TLN2: variants seen among roughly 807,000 people sequenced by gnomAD.
The protein encoded by TLN2 is talin 2, also known as talin-2.
A neutral mutation model predicts 294.7 loss-of-function variants in TLN2; 118 were observed. The observed-to-expected ratio is 0.40, with a 90% confidence interval of 0.34 to 0.47. The LOEUF is 0.47. Among genes scored for constraint, TLN2 ranks in the 20% least tolerant of loss-of-function variants. The pLI, the probability that TLN2 is intolerant of heterozygous loss-of-function variation, is 0.84. For missense variants in TLN2, 3,083 were observed against 3,282.2 expected, an observed-to-expected ratio of 0.94 and a Z score of 1.48; for synonymous variants, 1,431 against 1,304.5, an observed-to-expected ratio of 1.10 and a Z score of -2.09.
intron 43 of TLN2, among the ~76,000 whole-genome samples, 174 bp downstream of exon 43, chr15:62,777,084 G>A (rs933624662): frequency 1.2e-4 from 19 of 152,098 alleles, no homozygotes; most frequent in African/African-American, 4.6e-4. Context: ...TATTATTAAT[G>A]CATTACTTTT....
chr15:62,779,563 G>A (rs938511700), intron 43 of TLN2, among the ~76,000 whole-genome samples: 5 of 152,188 alleles, frequency 3.3e-5, no homozygotes, highest in African/African-American at 1.2e-4. Context: ...ACTAGTTAAA[G>A]GTTCTTTGGC....
At chr15:62,603,160 G>C (rs529714363) in intron 2 of TLN2, among the ~76,000 whole-genome samples, 2 of 152,154 alleles carry the variant, frequency 1.3e-5, no homozygotes, top group Non-Finnish European at 2.9e-5. Flanking sequence ...CCACAGTGCT[G>C]GGATTACAGG....
chr15:62,700,110 A>C (rs578244153), intron 16 of TLN2, among the ~76,000 whole-genome samples: 1 of 152,226 alleles, frequency 6.6e-6, no homozygotes, highest in African/African-American at 2.4e-5. Flanking sequence ...CAAAAACAAT[A>C]AACATTTGCT....
Position 62,415,350 on chromosome 15 carries a change from T to G in TLN2, c.-238+24665T>G, listed in dbSNP as rs983870796. On this transcript the variant is annotated intron_variant, in intron 1 of 58. Transcript: ENST00000636159. ...GCAAGTGGCAGGGCTGAGACATGGA[T>G]ATGGATGTTTTTCACCTGTGTTCAG... Among the ~76,000 whole-genome samples, 11 of 141,558 alleles carry G rather than the reference T, an allele frequency of 7.8e-5. 1 individual carries two copies. The highest frequency in any genetic ancestry group is 2.8e-4 in the African/African-American group (11 of 39,670). The allele number at this position is 141,558 out of a possible 152,430, so 92.9% of individuals were successfully genotyped here.
At chr15:62,782,806 C>T (rs1032945632) in intron 44 of TLN2, among the ~76,000 whole-genome samples, 1 of 152,120 alleles carries the variant, frequency 6.6e-6, no homozygotes, top group Non-Finnish European at 1.5e-5. Context: ...GAGAGTCATT[C>T]AAAAGACATT....
intron 45 of TLN2, among the ~76,000 whole-genome samples, chr15:62,788,163 T>C (rs1042441994): frequency 2.6e-5 from 4 of 151,454 alleles, no homozygotes; most frequent in African/African-American, 9.7e-5. Context: ...ATACAAAAAT[T>C]AGCCGGGCAT....
At chr15:62,822,839 TCA>T (rs1301098104) in intron 54 of TLN2, among the ~76,000 whole-genome samples, 4 of 152,126 alleles carry the variant, frequency 2.6e-5, no homozygotes, top group African/African-American at 9.7e-5. Context: ...CTCTAAAAAC[TCA>T]CAGATGAAGA....
At chr15:62,492,972 A>C (rs1278494071) in intron 1 of TLN2, among the ~76,000 whole-genome samples, 2 of 152,112 alleles carry the variant, frequency 1.3e-5, no homozygotes, top group African/African-American at 4.8e-5. Flanking sequence ...GAGGACTCGG[A>C]GAGTTGTTGT....
At chr15:62,761,888 T>G (rs2062697649) in intron 38 of TLN2, 67 bp downstream of exon 38, 2 of 1,599,226 alleles carry the variant, frequency 1.3e-6, no homozygotes, top group African/African-American at 2.7e-5. Context: ...CCAAATGAGT[T>G]ACTAGTTAAA....
intron 37 of TLN2, 45 bp from the exon 38 acceptor site, chr15:62,761,636 T>C (rs2062678914): frequency 2.5e-6 from 4 of 1,612,306 alleles, no homozygotes; most frequent in Admixed American, 3.3e-5. Flanking sequence ...CAGAAATAAT[T>C]TGTGCTTCTC....
intron 1 of TLN2, among the ~76,000 whole-genome samples, chr15:62,486,250 C>T (rs1210203789): frequency 6.6e-6 from 1 of 152,118 alleles, no homozygotes; most frequent in African/African-American, 2.4e-5. Context: ...ACATTCCTTT[C>T]ATAACCACTG....
chr15:62,484,185 A>G (rs1300705470), intron 1 of TLN2, among the ~76,000 whole-genome samples: 2 of 152,192 alleles, frequency 1.3e-5, no homozygotes, highest in Non-Finnish European at 2.9e-5. Context: ...TGCTGGGGGT[A>G]GTTTACTGAT....
chr15:62,725,756 G>T (rs1468385185), intron 27 of TLN2, among the ~76,000 whole-genome samples: 2 of 152,136 alleles, frequency 1.3e-5, no homozygotes, highest in African/African-American at 4.8e-5. Context: ...AAACACAGAG[G>T]CACAGAGTTT....
intron 1 of TLN2, among the ~76,000 whole-genome samples, chr15:62,576,439 C>T (rs527288023): frequency 1.3e-5 from 2 of 152,068 alleles, no homozygotes; most frequent in Non-Finnish European, 2.9e-5. Flanking sequence ...TCCCCAAAGG[C>T]ACCTGCCAAC....
chr15:62,768,359 T>A (rs1032869621), intron 41 of TLN2, among the ~76,000 whole-genome samples: 2 of 152,256 alleles, frequency 1.3e-5, no homozygotes, highest in African/African-American at 4.8e-5. Context: ...ACTCCTTGAC[T>A]GTCGCGCTGA....
chr15:62,825,186 G>A (rs2067941035), intron 54 of TLN2, among the ~76,000 whole-genome samples: 1 of 152,172 alleles, frequency 6.6e-6, no homozygotes, highest in Non-Finnish European at 1.5e-5. Context: ...GTTTCAAGAT[G>A]CTGCCCCAAT....
chr15:62,462,575 T>C (rs2140343277), intron 1 of TLN2, among the ~76,000 whole-genome samples: 1 of 152,274 alleles, frequency 6.6e-6, no homozygotes, highest in East Asian at 1.9e-4. Context: ...TGTTAGCATC[T>C]TGGGGATGGA....
intron 1 of TLN2, among the ~76,000 whole-genome samples, chr15:62,412,005 C>G (rs946556514): frequency 3.9e-5 from 6 of 152,188 alleles, no homozygotes; most frequent in Admixed American, 3.9e-4. Context: ...TGGGCATGCT[C>G]TGGCGTATTT....
intron 57 of TLN2, 138 bp downstream of exon 57, chr15:62,836,211 A>T: frequency 8.3e-7 from 1 of 1,204,736 alleles, no homozygotes; most frequent in Non-Finnish European, 1.2e-6. Context: ...AGCCTCATCT[A>T]CTGCGTGCGT....
Sources: allele counts gnomAD v4.1 joint callset (sites outside exome capture counted in the v4.1 genomes callset), GRCh38; gene constraint gnomAD v4.1.1; transcripts MANE v1.5; gene names NCBI Gene and HGNC (gene_info 2026-07-23, HGNC 2026-07-21).